CANX: variants seen among roughly 807,000 people sequenced by gnomAD.
The protein encoded by CANX is epididymis secretory sperm binding protein.
CANX carries 14 observed loss-of-function variants against 75.7 expected under a neutral mutation model. That is an observed-to-expected ratio of 0.19 (90% CI 0.12 to 0.29). The LOEUF is 0.29. CANX is among the 10% of genes least tolerant of loss of function. CANX has a pLI of 1.00. For synonymous variants in CANX, 227 were observed against 236.9 expected, an observed-to-expected ratio of 0.96 and a Z score of 0.38; for missense variants, 567 against 713.2, an observed-to-expected ratio of 0.79 and a Z score of 2.34.
chr5:179,686,839 A>G (rs59206457), intron 1 of CANX, among the ~76,000 whole-genome samples: 10,219 of 152,122 alleles, frequency 0.067, 600 homozygotes, highest in African/African-American at 0.16. Flanking sequence ...GGTGCAATGC[A>G]CAGTCTCGGC....
At chr5:179,688,688 T>A (rs1776239482) in intron 1 of CANX, among the ~76,000 whole-genome samples, 1 of 150,640 alleles carries the variant, frequency 6.6e-6, no homozygotes, top group African/African-American at 2.4e-5. Context: ...TCATTAGCAA[T>A]CATGATATTT....
chr5:179,728,708 A>G lies in CANX; in HGVS notation c.*64A>G, dbSNP rs747165153. 2.9e-5 allele frequency: 34 copies of G among 1,157,270 alleles called. No individual in the cohort carries two copies. The highest frequency in any genetic ancestry group is 4.0e-5 in the Non-Finnish European group (31 of 767,240). 71.7% of individuals were successfully genotyped at this position (1,157,270 alleles called of 1,614,324 possible). A position where few individuals can be genotyped will look rare whatever the true frequency, so the allele number is the denominator to read the frequency against. ...CCTCCCCTGCAAGAGTGGTCCTAGG[A>G]GAGGACCTGGCACACCTTAGGTTGA... On this transcript the variant is annotated 3_prime_UTR_variant, in exon 15 of 15. Coordinates refer to ENST00000247461, the MANE Select transcript of CANX (RefSeq NM_001746.4).
intron 7 of CANX, 145 bp downstream of exon 7, chr5:179,710,210 A>G (rs891581891): frequency 4.3e-5 from 23 of 540,220 alleles, no homozygotes; most frequent in Non-Finnish European, 1.3e-5. Context: ...ATCACCTGAG[A>G]TCAGGAATTC....
intron 7 of CANX, among the ~76,000 whole-genome samples, chr5:179,715,094 C>T (rs1420159532): frequency 6.6e-6 from 1 of 152,186 alleles, no homozygotes; most frequent in East Asian, 1.9e-4. Context: ...GAAGTTCTTC[C>T]TCACAGAAAT....
At chr5:179,703,125 C>A (rs1458252120) in intron 1 of CANX, among the ~76,000 whole-genome samples, 4 of 152,086 alleles carry the variant, frequency 2.6e-5, no homozygotes, top group Admixed American at 2.6e-4. Context: ...GTTGGCCAGG[C>A]TGGTCTCGAA....
intron 7 of CANX, 93 bp from the exon 8 acceptor site, chr5:179,716,012 G>T (rs1215745531): frequency 2.1e-6 from 2 of 948,266 alleles, no homozygotes; most frequent in Non-Finnish European, 3.4e-6. Context: ...TCAGACTTCT[G>T]CTGCTTCACG....
At chr5:179,690,882 C>G (rs912346128) in intron 1 of CANX, among the ~76,000 whole-genome samples, 7 of 150,610 alleles carry the variant, frequency 4.6e-5, no homozygotes, top group African/African-American at 1.7e-4. Flanking sequence ...GAGTGAGACT[C>G]TCTCAAAAAA....
intron 8 of CANX, among the ~76,000 whole-genome samples, chr5:179,717,181 C>T (rs1310863390): frequency 6.6e-6 from 1 of 152,158 alleles, no homozygotes; most frequent in Non-Finnish European, 1.5e-5. Flanking sequence ...CAATTACATT[C>T]TAGATTATCT....
At chr5:179,691,303 G>T (rs1448744773) in intron 1 of CANX, among the ~76,000 whole-genome samples, 1 of 152,142 alleles carries the variant, frequency 6.6e-6, no homozygotes, top group African/African-American at 2.4e-5. Context: ...GGGATTACAG[G>T]TGTGAGCCAT....
In CANX at chr5:179,710,471, G is replaced by A. The variant is rs1278226741; in HGVS notation, c.721+406G>A. On this transcript the variant is annotated intron_variant, in intron 7 of 14. Transcript: ENST00000247461. The stretch of plus-strand genomic sequence containing the variant: ...ACCTGTAATCCCAGCACTTTGGGAG[G>A]CCGAGGCGGGTGGATCACAAGGTCA... Among the ~76,000 whole-genome samples, 7 of 150,934 alleles carry A rather than the reference G, an allele frequency of 4.6e-5. No homozygotes were observed. In the East Asian group the frequency reaches 1.2e-3, roughly 25 times the overall value.
At chr5:179,725,142 C>T (rs1416889490) in intron 13 of CANX, among the ~76,000 whole-genome samples, 1 of 152,202 alleles carries the variant, frequency 6.6e-6, no homozygotes, top group African/African-American at 2.4e-5. Context: ...CCTACCTCAG[C>T]ACCCCTCCAA....
At position 179,713,962 on chromosome 5, in the gene CANX, A is replaced by G. The variant is rs1028753016; in HGVS notation, c.722-2143A>G. Among the ~76,000 whole-genome samples, 6 of 152,166 alleles carry G rather than the reference A, an allele frequency of 3.9e-5. No homozygotes were observed. In the East Asian group the frequency reaches 7.7e-4, roughly 20 times the overall value. Reference sequence around the variant, plus strand: ...AATGTTTAAGGTTACAGATATTTCAATTACTGTGATTTGTTTGTTTTGTTT... The same window carrying G: ...AATGTTTAAGGTTACAGATATTTCAGTTACTGTGATTTGTTTGTTTTGTTT... On this transcript the variant is annotated intron_variant, in intron 7 of 14. Transcript: ENST00000247461.
chr5:179,698,532 G>T, upstream of CANX: 2 of 1,289,412 alleles, frequency 1.6e-6, no homozygotes, highest in South Asian at 2.5e-5. Context: ...TACCCCTTTT[G>T]CCGGCTGCCG....
chr5:179,679,128 C>G (rs1381707004), intron 1 of CANX: 3 of 1,535,526 alleles, frequency 2.0e-6, no homozygotes, highest in Admixed American at 3.9e-5. Context: ...GCCGAGCACT[C>G]GAAGGTTGCC....
chr5:179,723,297 T>C lies in CANX; in HGVS notation c.1398+278T>C, dbSNP rs145985842. 4.8e-3 allele frequency among the ~76,000 whole-genome samples: 731 copies of C among 152,240 alleles called. 3 individuals are homozygous for C. The highest frequency in any genetic ancestry group is 0.01 in the Middle Eastern group (3 of 294). On this transcript the variant is annotated intron_variant, in intron 11 of 14. Transcript: ENST00000247461. Reference sequence around the variant, plus strand: ...TAGGCTATATTTTAATACACTCTTATATGTTGAATCTCGGTTTACACTACA... The same window carrying C: ...TAGGCTATATTTTAATACACTCTTACATGTTGAATCTCGGTTTACACTACA...
At chr5:179,678,866 C>T in intron 1 of CANX, 2 of 1,536,454 alleles carry the variant, frequency 1.3e-6, no homozygotes, top group South Asian at 1.2e-5. Flanking sequence ...CAGCGGCGAC[C>T]GCGTCCTCGC....
chr5:179,689,389 T>TTTTTTTC (rs1776257629), intron 1 of CANX, among the ~76,000 whole-genome samples: 1 of 143,260 alleles, frequency 7.0e-6, no homozygotes, highest in African/African-American at 2.6e-5. Flanking sequence ...GTTTTTTTTT[T>TTTTTTTC]TTTTTTTTTT....
At chr5:179,679,928 G>A (rs935813891) in intron 1 of CANX, among the ~76,000 whole-genome samples, 6 of 146,868 alleles carry the variant, frequency 4.1e-5, no homozygotes, top group Admixed American at 3.4e-4. Context: ...CAAAGTGCCC[G>A]GATTACAGGC....
At chr5:179,716,669 C>T (rs1336117479) in intron 8 of CANX, among the ~76,000 whole-genome samples, 1 of 152,206 alleles carries the variant, frequency 6.6e-6, no homozygotes, top group African/African-American at 2.4e-5. Flanking sequence ...ATTTAAACAA[C>T]AGTCAATTCT....
Sources: gnomAD v4.1 joint callset for allele counts (sites outside exome capture counted in the v4.1 genomes callset) on GRCh38, gnomAD v4.1.1 for gene constraint, MANE v1.5 for transcripts, NCBI Gene and HGNC (gene_info 2026-07-23, HGNC 2026-07-21) for gene names.